The following KCNN3 variants were observed in gnomAD, a reference collection of about 807,000 sequenced individuals.
KCNN3 encodes potassium calcium-activated channel subfamily N member 3, also known as small conductance calcium-activated potassium channel protein 3.
Under a neutral mutation model 62.9 loss-of-function variants are expected in KCNN3, and 16 were observed. The ratio of observed to expected loss-of-function variants is 0.25; its 90% CI spans 0.17 to 0.39. KCNN3 has a LOEUF of 0.39. Among genes scored for constraint, KCNN3 ranks in the 10% least tolerant of loss-of-function variants. KCNN3 has a pLI of 1.00. For synonymous variants in KCNN3, 370 were observed against 389.2 expected (o/e 0.95, Z 0.58); for missense variants, 599 against 949.4 (o/e 0.63, Z 4.85).
chr1:154,842,633 C>A (rs939374780), intron 1 of KCNN3, among the ~76,000 whole-genome samples: 221 of 17,758 alleles, frequency 0.012, no homozygotes, highest in South Asian at 0.1. Context: ...TCAGGGACCC[C>A]CCCCCCGCCA....
intron 1 of KCNN3, among the ~76,000 whole-genome samples, chr1:154,841,038 G>C (rs535200706): frequency 6.6e-6 from 1 of 152,140 alleles, no homozygotes; most frequent in African/African-American, 2.4e-5. Flanking sequence ...GTCAGGCCCC[G>C]ACCTAATCAG....
chr1:154,869,312 T>A lies in KCNN3; in HGVS notation c.653A>T (p.Glu218Val). ...GTCCTCCCGGGAGGAGATGACGATC[T>A]CCGGGGGGTTGCTAGGGCTGAAAAG... Reference protein sequence around the residue: ...LQLFSPSNPPEIVISSREDNH... With the variant: ...LQLFSPSNPPVIVISSREDNH... Residue 218 changes from glutamate (E) to valine (V), a missense_variant, in exon 1 of 8, where the codon GAG (glutamate) becomes GTG (valine). By Grantham distance (121) the Glu-to-Val change is moderately radical. Around this residue, in one of 7 missense-constraint regions of KCNN3, gnomAD observed 80 missense variants for 85.4 expected, o/e 0.94. Transcript: ENST00000271915. This position sits in a 1 kb window ranked among gnomAD's most constrained non-coding sequence, Gnocchi z 6.1. The A allele has an allele frequency of 6.2e-7, 1 of 1,613,614 alleles. No individual in the cohort carries two copies. Among genetic ancestry groups the A allele is most frequent in the Non-Finnish European group, 8.5e-7 (1 of 1,179,616 alleles).
intron 2 of KCNN3, among the ~76,000 whole-genome samples, chr1:154,811,018 C>T (rs757429034): frequency 2.5e-4 from 38 of 152,204 alleles, no homozygotes; most frequent in Non-Finnish European, 2.9e-5. Flanking sequence ...AATACAGAGC[C>T]TAACTACGGG....
intron 3 of KCNN3, among the ~76,000 whole-genome samples, chr1:154,749,794 T>G (rs950194539): frequency 6.6e-6 from 1 of 152,074 alleles, no homozygotes; most frequent in Non-Finnish European, 1.5e-5. Context: ...ATGAGGGGCC[T>G]GAGGACAGGG....
At chr1:154,773,347 T>C (rs996095207) in intron 2 of KCNN3, among the ~76,000 whole-genome samples, 23 of 152,226 alleles carry the variant, frequency 1.5e-4, no homozygotes, top group Admixed American at 6.5e-5. Flanking sequence ...ATCTGAATCC[T>C]TTGTAAGGTC....
intron 4 of KCNN3, among the ~76,000 whole-genome samples, chr1:154,731,093 G>A (rs980300352): frequency 1.3e-5 from 2 of 152,156 alleles, no homozygotes; most frequent in Admixed American, 6.5e-5. Flanking sequence ...TCCCGGCAGG[G>A]CCCATCCACC....
chr1:154,777,195 A>C (rs1187301597), intron 2 of KCNN3, among the ~76,000 whole-genome samples: 1 of 151,672 alleles, frequency 6.6e-6, no homozygotes, highest in East Asian at 1.9e-4. Flanking sequence ...AAGAAGCCAT[A>C]ATTCTGTGGT....
chr1:154,856,693 C>T (rs1160079164), intron 1 of KCNN3, among the ~76,000 whole-genome samples: 1 of 152,138 alleles, frequency 6.6e-6, no homozygotes, highest in Non-Finnish European at 1.5e-5. Flanking sequence ...ACAGCCCCAG[C>T]GGCCAGGTTA....
rs574289527 is a variant in KCNN3 at position 154,865,283 on chromosome 1, A to G, written c.933+3749T>C. On this transcript the variant is annotated intron_variant, in intron 1 of 7. Coordinates refer to ENST00000271915, the MANE Select transcript of KCNN3 (RefSeq NM_002249.6). ...GATCAGTACAGATGATGTGATTAAG[A>G]TTCTCAACAGAATCTCTAGACCAGG... Among the ~76,000 whole-genome samples the G allele has an allele frequency of 2.0e-4, 30 of 152,124 alleles. No homozygotes were observed. In the East Asian group the frequency reaches 5.8e-3, roughly 29 times the overall value.
Position 154,869,144 on chromosome 1 carries a change from C to T in KCNN3, c.821G>A (p.Arg274Lys). The change falls in exon 1 of 8, where the codon AGG (arginine) becomes AAG (lysine). Residue 274 changes from arginine (R) to lysine (K), a missense_variant. Physicochemically the swap from Arg to Lys is conservative, Grantham distance 26. This residue lies in a region of KCNN3 where 288 missense variants were observed against 557.4 expected (regional missense o/e 0.52). Transcript: ENST00000271915. This position sits in a 1 kb window ranked among gnomAD's most constrained non-coding sequence, Gnocchi z 6.1. ...QNIGYKLGHR[R>K]ALFEKRKRLS... The stretch of plus-strand genomic sequence containing the variant: ...TCGCTTTCTCTTTTCAAACAGGGCC[C>T]TCCTGTGTCCCAGCTTATAGCCAAT... The T allele has an allele frequency of 1.2e-6, 2 of 1,614,158 alleles. No individual in the cohort carries two copies. The highest frequency in any genetic ancestry group is 8.5e-7 in the Non-Finnish European group (1 of 1,180,030).
In KCNN3 at chr1:154,869,897, C is replaced by A; in HGVS notation, c.68G>T (p.Cys23Phe). Residue 23 changes from cysteine to phenylalanine, a missense_variant, in exon 1 of 8, where the codon TGT (cysteine) becomes TTT (phenylalanine). Physicochemically the swap from Cys to Phe is radical, Grantham distance 205. Transcript: ENST00000271915. The surrounding 1 kb of genome is among the most constrained non-coding windows in gnomAD (Gnocchi z 6.1). ...GDLDEDPKCPCPSSGDEQQQQ... is the reference protein window; with the variant it reads ...GDLDEDPKCPFPSSGDEQQQQ... Reference sequence around the variant, plus strand: ...CTGCTGCTCATCCCCAGAGGATGGACAGGGGCACTTGGGGTCTTCATCCAA... The same window carrying A: ...CTGCTGCTCATCCCCAGAGGATGGAAAGGGGCACTTGGGGTCTTCATCCAA... 6.2e-7 allele frequency: 1 copy of A among 1,608,660 alleles called. No homozygotes were observed. Among genetic ancestry groups the A allele is most frequent in the Non-Finnish European group, 8.5e-7 (1 of 1,177,788 alleles).
intron 3 of KCNN3, among the ~76,000 whole-genome samples, chr1:154,748,742 C>A (rs1700992411): frequency 6.6e-6 from 1 of 152,216 alleles, no homozygotes. Context: ...AGAAGGATCC[C>A]TTGAGCCCAG....
Position 154,707,114 on chromosome 1 carries a change from A to G in KCNN3, c.*862T>C, listed in dbSNP as rs1699978825. 6.6e-6 allele frequency: 1 copy of G among 152,254 alleles called. No individual in the cohort carries two copies. The highest frequency in any genetic ancestry group is 2.4e-5 in the African/African-American group (1 of 41,470). The allele number at this position is 152,254 out of a possible 1,614,324, so 9.4% of individuals were successfully genotyped here. On this transcript the variant is annotated 3_prime_UTR_variant, in exon 8 of 8. Coordinates refer to ENST00000271915, the MANE Select transcript of KCNN3 (RefSeq NM_002249.6). ...ATCAAGCAAGGTGCATATCCAGGAC[A>G]AAGCAATGTGCATTATGTCTGAAGG...
intron 1 of KCNN3, chr1:154,859,789 G>A: frequency 6.2e-7 from 1 of 1,614,004 alleles, no homozygotes; most frequent in Non-Finnish European, 8.5e-7. Context: ...CAAGCTCTAA[G>A]GAGTAGGTGC....
At position 154,697,670 on chromosome 1, in the gene KCNN3, C is replaced by G. The variant is rs557239811; in HGVS notation, c.*10306G>C. The G allele has an allele frequency of 6.6e-6, 1 of 152,358 alleles. No individual in the cohort carries two copies. Among genetic ancestry groups the G allele is most frequent in the Non-Finnish European group, 1.5e-5 (1 of 68,108 alleles). 9.4% of individuals were successfully genotyped at this position (152,358 alleles called of 1,614,324 possible). A position where few individuals can be genotyped will look rare whatever the true frequency, so the allele number is the denominator to read the frequency against. Reference sequence around the variant, plus strand: ...CAGTCTCCCATCCAGATCCTCAGACCCACACACCAGCCCACCACTCTCATT... The same window carrying G: ...CAGTCTCCCATCCAGATCCTCAGACGCACACACCAGCCCACCACTCTCATT... On this transcript the variant is annotated 3_prime_UTR_variant, in exon 8 of 8. Coordinates refer to ENST00000271915, the MANE Select transcript of KCNN3 (RefSeq NM_002249.6).
In KCNN3 at chr1:154,704,164, A is replaced by G. The variant is rs573396210; in HGVS notation, c.*3812T>C. 7.9e-5 allele frequency: 12 copies of G among 152,216 alleles called. No homozygotes were observed. Among genetic ancestry groups the G allele is most frequent in the Non-Finnish European group, 1.8e-4 (12 of 68,032 alleles). The allele number at this position is 152,216 out of a possible 1,614,324, so 9.4% of individuals were successfully genotyped here. On this transcript the variant is annotated 3_prime_UTR_variant, in exon 8 of 8. Coordinates refer to ENST00000271915, the MANE Select transcript of KCNN3 (RefSeq NM_002249.6). Reference sequence around the variant, plus strand: ...TGTACATGCTCAGCGCTTGGAATTTACTTTTGCGTACATTTTCTATGTCTC... The same window carrying G: ...TGTACATGCTCAGCGCTTGGAATTTGCTTTTGCGTACATTTTCTATGTCTC...
At chr1:154,849,502 T>G (rs944039157) in intron 1 of KCNN3, among the ~76,000 whole-genome samples, 3 of 152,142 alleles carry the variant, frequency 2.0e-5, no homozygotes, top group Non-Finnish European at 2.9e-5. Flanking sequence ...CACAGCCCCA[T>G]TACTGTGTAG....
chr1:154,722,545 G>A (rs1314135239), intron 5 of KCNN3, among the ~76,000 whole-genome samples: 1 of 151,200 alleles, frequency 6.6e-6, no homozygotes, highest in Non-Finnish European at 1.5e-5. Flanking sequence ...GTGCCACTAC[G>A]CCCGGCTAAT....
Position 154,772,049 on chromosome 1 carries a change from G to A in KCNN3, c.1374C>T (p.Cys458=), listed in dbSNP as rs559302379. The part of the protein sequence containing the change: ...RFVMKTLMTI[C]PGTVLLVFSI... ...TGAACACGAGCAGCACAGTGCCAGGGCAGATGGTCATGAGCGTCTTCATGA... is the reference window on the plus strand; with the variant it reads ...TGAACACGAGCAGCACAGTGCCAGGACAGATGGTCATGAGCGTCTTCATGA... Residue 458 remains cysteine (C), a synonymous_variant, in exon 3 of 8, where the codon TGC becomes TGT. Coordinates refer to ENST00000271915, the MANE Select transcript of KCNN3 (RefSeq NM_002249.6). The surrounding 1 kb of genome is among the most constrained non-coding windows in gnomAD (Gnocchi z 5.6). 6.2e-7 allele frequency: 1 copy of A among 1,614,200 alleles called. No homozygotes were observed. The highest frequency in any genetic ancestry group is 1.3e-5 in the African/African-American group (1 of 75,058).
Sources: allele counts gnomAD v4.1 joint callset (sites outside exome capture counted in the v4.1 genomes callset), GRCh38; gene constraint gnomAD v4.1.1; regional missense constraint gnomAD v4.1.1; non-coding constraint Gnocchi (gnomAD v3.1); transcripts MANE v1.5; gene names NCBI Gene and HGNC (gene_info 2026-07-23, HGNC 2026-07-21).